KCTD8: variants seen among roughly 807,000 people sequenced by gnomAD.
KCTD8 encodes BTB/POZ domain-containing protein KCTD8.
In KCTD8, 27 loss-of-function variants were observed where a neutral mutation model predicts 31.5. The ratio of observed to expected loss-of-function variants is 0.86; its 90% CI spans 0.63 to 1.18. The LOEUF is 1.18. Among genes scored for constraint, KCTD8 ranks in the 50% most tolerant of loss-of-function variants. The pLI, the probability that KCTD8 is intolerant of heterozygous loss-of-function variation, is 0.00. For missense variants in KCTD8, 658 were observed against 647.7 expected (o/e 1.02, Z -0.17); for synonymous variants, 290 against 280.0 (o/e 1.04, Z -0.36).
At chr4:44,297,603 G>T (rs1171728586) in intron 1 of KCTD8, among the ~76,000 whole-genome samples, 2 of 152,030 alleles carry the variant, frequency 1.3e-5, no homozygotes, top group African/African-American at 4.8e-5. Flanking sequence ...CTACCACAGA[G>T]GCATCTTGAG....
At chr4:44,226,617 C>T (rs943198864) in intron 1 of KCTD8, among the ~76,000 whole-genome samples, 3 of 152,204 alleles carry the variant, frequency 2.0e-5, no homozygotes, top group Non-Finnish European at 4.4e-5. Context: ...AATAGCCACA[C>T]TGTTTTCCAC....
chr4:44,303,327 C>T (rs1290501431), intron 1 of KCTD8, among the ~76,000 whole-genome samples: 1 of 151,824 alleles, frequency 6.6e-6, no homozygotes, highest in Non-Finnish European at 1.5e-5. Flanking sequence ...TGGTAGAATT[C>T]GGCTGTGAAT....
intron 1 of KCTD8, among the ~76,000 whole-genome samples, chr4:44,219,072 T>C (rs781218616): frequency 6.6e-6 from 1 of 152,204 alleles, no homozygotes; most frequent in African/African-American, 2.4e-5. Flanking sequence ...CCTCGAAAAG[T>C]ATTCTGAAGG....
chr4:44,303,075 G>T (rs186687763), intron 1 of KCTD8, among the ~76,000 whole-genome samples: 1 of 152,268 alleles, frequency 6.6e-6, no homozygotes, highest in Non-Finnish European at 1.5e-5. Context: ...AAGCCCACTT[G>T]ATCAGGGTGG....
At chr4:44,348,436 G>C (rs1350717226) in intron 1 of KCTD8, among the ~76,000 whole-genome samples, 1 of 152,220 alleles carries the variant, frequency 6.6e-6, no homozygotes, top group East Asian at 1.9e-4. Context: ...GCAAACTACA[G>C]TGAAAAATAA....
chr4:44,317,496 C>A (rs1718171483), intron 1 of KCTD8, among the ~76,000 whole-genome samples: 5 of 140,822 alleles, frequency 3.6e-5, no homozygotes, highest in African/African-American at 1.6e-4. Context: ...GCCTCGGCCT[C>A]CCAAAGTGCT....
At chr4:44,417,199 C>T (rs571817359) in intron 1 of KCTD8, among the ~76,000 whole-genome samples, 3 of 152,286 alleles carry the variant, frequency 2.0e-5, no homozygotes, top group East Asian at 1.9e-4. Flanking sequence ...TCTGGCTTTT[C>T]GCCCTTACAG....
chr4:44,378,617 CA>C (rs1244505376), intron 1 of KCTD8, among the ~76,000 whole-genome samples: 1 of 151,868 alleles, frequency 6.6e-6, no homozygotes, highest in Non-Finnish European at 1.5e-5. Flanking sequence ...GATAAAAATC[CA>C]AGTTATACCT....
At chr4:44,199,294 T>C (rs1033638036) in intron 1 of KCTD8, among the ~76,000 whole-genome samples, 1 of 151,948 alleles carries the variant, frequency 6.6e-6, no homozygotes, top group African/African-American at 2.4e-5. Flanking sequence ...ACTCAACCAT[T>C]TGGACCAAAT....
intron 1 of KCTD8, among the ~76,000 whole-genome samples, chr4:44,319,525 A>C (rs2109404971): frequency 6.6e-6 from 1 of 152,062 alleles, no homozygotes; most frequent in African/African-American, 2.4e-5. Context: ...CTGGGATTAC[A>C]GTAAAATGCT....
At chr4:44,435,064 T>C (rs1444048727) in intron 1 of KCTD8, among the ~76,000 whole-genome samples, 1 of 152,064 alleles carries the variant, frequency 6.6e-6, no homozygotes, top group East Asian at 1.9e-4. Flanking sequence ...TTTCAACTTG[T>C]ATCTTACCTA....
chr4:44,311,627 A>T (rs1254903480), intron 1 of KCTD8, among the ~76,000 whole-genome samples: 2 of 152,098 alleles, frequency 1.3e-5, no homozygotes, highest in Admixed American at 1.3e-4. Flanking sequence ...GATATACAGT[A>T]TTTAACATTC....
intron 1 of KCTD8, among the ~76,000 whole-genome samples, chr4:44,242,317 G>A (rs945136553): frequency 3.3e-5 from 5 of 151,900 alleles, no homozygotes; most frequent in South Asian, 2.1e-4. Context: ...GGTGGCTCAC[G>A]CCTGTAATCC....
intron 1 of KCTD8, among the ~76,000 whole-genome samples, chr4:44,220,894 G>A (rs1714789688): frequency 6.6e-6 from 1 of 152,150 alleles, no homozygotes; most frequent in Middle Eastern, 3.2e-3. Context: ...CCTAAATCAT[G>A]AGAATCCTGG....
chr4:44,224,172 G>A (rs981399791), intron 1 of KCTD8, among the ~76,000 whole-genome samples: 1 of 152,018 alleles, frequency 6.6e-6, no homozygotes, highest in Non-Finnish European at 1.5e-5. Context: ...TAACATCCAA[G>A]CTCACAATTT....
chr4:44,343,777 A>T (rs1718966022), intron 1 of KCTD8, among the ~76,000 whole-genome samples: 1 of 152,210 alleles, frequency 6.6e-6, no homozygotes, highest in Admixed American at 6.5e-5. Context: ...GTAACAAAAA[A>T]TGTTATGCTG....
At chr4:44,181,047 A>C (rs530118947) in intron 1 of KCTD8, among the ~76,000 whole-genome samples, 6 of 152,278 alleles carry the variant, frequency 3.9e-5, no homozygotes, top group Non-Finnish European at 8.8e-5. Context: ...GTTTAATTAC[A>C]TCTATTCTTA....
intron 1 of KCTD8, among the ~76,000 whole-genome samples, chr4:44,188,919 A>G (rs1286412030): frequency 6.6e-6 from 1 of 152,164 alleles, no homozygotes; most frequent in Non-Finnish European, 1.5e-5. Flanking sequence ...GTGAGAGAAT[A>G]AATTTCTGGT....
rs150531468 is a variant in KCTD8, at chr4:44,174,910, T to C, written c.1302A>G (p.Leu434=). 3.1e-6 allele frequency: 5 copies of C among 1,614,024 alleles called. No homozygotes were observed. In the African/African-American group the frequency reaches 6.7e-5, roughly 22 times the overall value. ...ACTTTTTCATTTCTTCTTCCACACTTAGCTTCTCACAGACTTTCTTTTTGG... is the reference window on the plus strand; with the variant it reads ...ACTTTTTCATTTCTTCTTCCACACTCAGCTTCTCACAGACTTTCTTTTTGG... ...NLSKKKVCEK[L]SVEEEMKKCI... is the part of the protein sequence containing the mutation. The change falls in exon 2 of 2, where the codon CTA becomes CTG. Residue 434 remains leucine (L), a synonymous_variant. Transcript: ENST00000360029.
Sources: gnomAD v4.1 joint callset for allele counts (sites outside exome capture counted in the v4.1 genomes callset) on GRCh38, gnomAD v4.1.1 for gene constraint, MANE v1.5 for transcripts, NCBI Gene and HGNC (gene_info 2026-07-23, HGNC 2026-07-21) for gene names.